The following SLCO1A2 variants were observed in gnomAD, a reference collection of about 807,000 sequenced individuals.
The protein encoded by SLCO1A2 is solute carrier organic anion transporter family member 1A2.
SLCO1A2 carries 67 observed loss-of-function variants against 69.0 expected under a neutral mutation model. That is an observed-to-expected ratio of 0.97 (90% CI 0.80 to 1.19). The LOEUF (loss-of-function observed/expected upper bound fraction) is 1.19. SLCO1A2 is among the 50% of genes most tolerant of loss of function. The pLI is 0.00. For missense variants in SLCO1A2, 787 were observed against 793.7 expected (o/e 0.99, Z 0.10); for synonymous variants, 260 against 265.9 (o/e 0.98, Z 0.22).
At chr12:21,320,840 T>A (rs1169803934) in intron 2 of SLCO1A2, among the ~76,000 whole-genome samples, 1 of 152,114 alleles carries the variant, frequency 6.6e-6, no homozygotes, top group Admixed American at 6.6e-5. Context: ...ATTGCTTGTT[T>A]CCCCACTAGC....
At chr12:21,325,753 G>A (rs141601712) in intron 2 of SLCO1A2, among the ~76,000 whole-genome samples, 2,144 of 152,074 alleles carry the variant, frequency 0.014, 42 homozygotes, top group African/African-American at 0.049. Context: ...CTTATAAAAC[G>A]TCCAAATATT....
At chr12:21,396,360 T>C (rs1339385049), upstream of SLCO1A2, among the ~76,000 whole-genome samples, 1 of 149,042 alleles carries the variant, frequency 6.7e-6, no homozygotes, top group Non-Finnish European at 1.5e-5. Flanking sequence ...CTCCAAGAAA[T>C]ATGGGACTAT....
chr12:21,299,565 T>C (rs1038696181), intron 8 of SLCO1A2, among the ~76,000 whole-genome samples: 27 of 151,142 alleles, frequency 1.8e-4, no homozygotes, highest in Non-Finnish European at 3.7e-4. Flanking sequence ...GATCATGTTT[T>C]TTTTTTTCTT....
chr12:21,415,349 T>A (rs2137211283), intron 1 of SLCO1A2, among the ~76,000 whole-genome samples: 1 of 152,272 alleles, frequency 6.6e-6, no homozygotes, highest in African/African-American at 2.4e-5. Context: ...AGTTAGCAAT[T>A]TTTAAAGCAG....
upstream of SLCO1A2, among the ~76,000 whole-genome samples, chr12:21,395,667 T>C (rs921341207): frequency 6.6e-6 from 1 of 152,204 alleles, no homozygotes; most frequent in African/African-American, 2.4e-5. Context: ...AGCACGCAGC[T>C]GGACATCTGA....
intron 1 of SLCO1A2, among the ~76,000 whole-genome samples, chr12:21,401,240 G>A (rs1315378068): frequency 6.6e-6 from 1 of 151,628 alleles, no homozygotes; most frequent in African/African-American, 2.4e-5. Flanking sequence ...TTCCTATATT[G>A]TAATTAATAA....
At chr12:21,289,091 A>G (rs1946415061) in intron 12 of SLCO1A2, among the ~76,000 whole-genome samples, 1 of 151,708 alleles carries the variant, frequency 6.6e-6, no homozygotes, top group Admixed American at 6.6e-5. Flanking sequence ...AATCATATAC[A>G]TATTCATATC....
chr12:21,299,856 ATATATATATACGTGTGTG>A lies in SLCO1A2; in HGVS notation c.910+474_910+491del, dbSNP rs1169467073. 7.3e-3 allele frequency among the ~76,000 whole-genome samples: 951 copies of A among 130,966 alleles called. 9 individuals are homozygous for A. Among genetic ancestry groups the A allele is most frequent in the African/African-American group, 0.026 (917 of 35,306 alleles). 85.9% of individuals were successfully genotyped at this position (130,966 alleles called of 152,430 possible). A position where few individuals can be genotyped will look rare whatever the true frequency, so the allele number is the denominator to read the frequency against. Reference sequence around the variant, plus strand: ...CATATATGTGTATATATATACGTGTATATATATATACGTGTGTGTATATATATATACGTGTATATATAT... The same window carrying A: ...CATATATGTGTATATATATACGTGTATATATATATATACGTGTATATATAT... On this transcript the variant is annotated intron_variant, in intron 8 of 14. Coordinates refer to ENST00000683939, the MANE Select transcript of SLCO1A2 (RefSeq NM_001386879.1).
In SLCO1A2 at chr12:21,294,100, C is replaced by A; in HGVS notation, c.1282G>T (p.Asp428Tyr). 6.3e-7 allele frequency: 1 copy of A among 1,590,360 alleles called. No homozygotes were observed. Among genetic ancestry groups the A allele is most frequent in the Non-Finnish European group, 8.6e-7 (1 of 1,169,084 alleles). The stretch of plus-strand genomic sequence containing the variant: ...AAGATGTCATTTTCCACATATAAAT[C>A]TTGTGGAATTCTGAAGTGATTTAAA... ...INTSYEGIPQDLYVENDIFAD... is the reference protein window; with the variant it reads ...INTSYEGIPQYLYVENDIFAD... The change falls in exon 11 of 15, where the codon GAT (aspartate) becomes TAT (tyrosine). Residue 428 changes from aspartate (D) to tyrosine (Y), a missense_variant. Coordinates refer to ENST00000683939, the MANE Select transcript of SLCO1A2 (RefSeq NM_001386879.1).
chr12:21,403,854 C>T (rs140690035), intron 1 of SLCO1A2, among the ~76,000 whole-genome samples: 110 of 150,024 alleles, frequency 7.3e-4, no homozygotes, highest in African/African-American at 2.4e-3. Context: ...TTTTTTCTTT[C>T]GTGATTAAGG....
At chr12:21,378,508 G>A (rs1565523377) in intron 1 of SLCO1A2, 2 of 1,119,002 alleles carry the variant, frequency 1.8e-6, no homozygotes, top group Non-Finnish European at 2.7e-6. Flanking sequence ...CATCTCCAGT[G>A]TGAATATATG....
intron 1 of SLCO1A2, among the ~76,000 whole-genome samples, chr12:21,415,628 A>G (rs1299902055): frequency 1.3e-5 from 2 of 152,062 alleles, no homozygotes; most frequent in Non-Finnish European, 2.9e-5. Context: ...CAGTGTTGCA[A>G]TTGAGGAACC....
At position 21,377,482 on chromosome 12, in the gene SLCO1A2, A is replaced by G. The variant is rs147320369; in HGVS notation, c.-189-2957T>C. ...CAATACATTATTCTGGATTATGTGC[A>G]AAATGTTGGGCAGCAGATCTCTAGA... On this transcript the variant is annotated intron_variant, in intron 1 of 15. Transcript: ENST00000307378. Among the ~76,000 whole-genome samples, 304 of 152,326 alleles carry G rather than the reference A, an allele frequency of 2.0e-3. 1 individual carries two copies. Among genetic ancestry groups the G allele is most frequent in the African/African-American group, 7.0e-3 (292 of 41,578 alleles).
At chr12:21,413,160 C>G (rs750435571) in intron 1 of SLCO1A2, among the ~76,000 whole-genome samples, 22 of 149,718 alleles carry the variant, frequency 1.5e-4, no homozygotes, top group Admixed American at 2.7e-4. Flanking sequence ...TTTGTGCTAT[C>G]GTTTTGTGTT....
chr12:21,362,156 T>A (rs1938954828), intron 2 of SLCO1A2, among the ~76,000 whole-genome samples: 1 of 152,076 alleles, frequency 6.6e-6, no homozygotes, highest in Non-Finnish European at 1.5e-5. Flanking sequence ...AAAGGTCAGG[T>A]TACCCACAAA....
chr12:21,411,709 G>T (rs545769707), intron 1 of SLCO1A2, among the ~76,000 whole-genome samples: 1 of 151,188 alleles, frequency 6.6e-6, no homozygotes, highest in Non-Finnish European at 1.5e-5. Flanking sequence ...TTGAGACAAG[G>T]TTTCACTCCA....
intron 4 of SLCO1A2, among the ~76,000 whole-genome samples, chr12:21,312,760 C>T (rs1159866638): frequency 6.6e-6 from 1 of 152,068 alleles, no homozygotes; most frequent in Non-Finnish European, 1.5e-5. Context: ...TCAGAACACA[C>T]ACAACATTTG....
chr12:21,333,168 G>A (rs1042348186), intron 2 of SLCO1A2, among the ~76,000 whole-genome samples: 1 of 151,986 alleles, frequency 6.6e-6, no homozygotes, highest in East Asian at 1.9e-4. Flanking sequence ...ACTAAATCAA[G>A]TACAAATCAA....
chr12:21,400,350 T>C (rs1941646988), upstream of SLCO1A2, among the ~76,000 whole-genome samples: 2 of 151,970 alleles, frequency 1.3e-5, no homozygotes, highest in Non-Finnish European at 2.9e-5. Flanking sequence ...CCAGTTAGAA[T>C]GGCAATCATT....
Sources: allele counts gnomAD v4.1 joint callset (sites outside exome capture counted in the v4.1 genomes callset), GRCh38; gene constraint gnomAD v4.1.1; transcripts MANE v1.5; gene names NCBI Gene and HGNC (gene_info 2026-07-23, HGNC 2026-07-21).